KISS1: variants seen among roughly 807,000 people sequenced by gnomAD.
The protein encoded by KISS1 is metastasis-suppressor KiSS-1.
For missense variants in KISS1, 182 were observed against 182.7 expected (o/e 1.00, Z 0.02); for synonymous variants, 97 against 88.7 (o/e 1.09, Z -0.52).
At chr1:204,190,865 A>G in intron 2 of KISS1, 68 bp from the exon 3 acceptor site, 1 of 1,280,582 alleles carries the variant, frequency 7.8e-7, no homozygotes, top group Non-Finnish European at 1.1e-6. Flanking sequence ...ACCTCCTGTC[A>G]TCCCATCCTA....
At chr1:204,195,387 C>T (rs1658835538) in intron 1 of KISS1, among the ~76,000 whole-genome samples, 1 of 137,998 alleles carries the variant, frequency 7.2e-6, no homozygotes, top group Admixed American at 7.2e-5. Context: ...ACACACACAT[C>T]ATGCACACAC....
At chr1:204,193,837 C>A (rs776697849) in intron 1 of KISS1, among the ~76,000 whole-genome samples, 42 of 152,216 alleles carry the variant, frequency 2.8e-4, no homozygotes, top group Non-Finnish European at 3.8e-4. Flanking sequence ...CCTCTTCCGG[C>A]TCCCAAATCT....
chr1:204,195,277 C>CATG (rs1658827864), intron 1 of KISS1, among the ~76,000 whole-genome samples: 5 of 2,796 alleles, frequency 1.8e-3, no homozygotes, highest in Non-Finnish European at 2.2e-3. Flanking sequence ...CACACATACA[C>CATG]CACACACACC....
At chr1:204,195,248 T>TGC (rs1658825081) in intron 1 of KISS1, among the ~76,000 whole-genome samples, 3 of 1,602 alleles carry the variant, frequency 1.9e-3, no homozygotes, top group African/African-American at 2.5e-3. Context: ...CATACACCCA[T>TGC]ACACACACAT....
intron 2 of KISS1, among the ~76,000 whole-genome samples, chr1:204,191,151 T>A (rs915706653): frequency 6.6e-6 from 1 of 152,190 alleles, no homozygotes; most frequent in Admixed American, 6.5e-5. Flanking sequence ...GCCTGGGCAG[T>A]GGGGCCATGT....
rs1329288121 is a variant in KISS1, at chr1:204,192,757, C to T, written c.103+17G>A. ...CCCACTTGCTCCCTCCCACTCCTTT[C>T]CCCAGAGGATACATACCTGTGGGTC... On this transcript the variant is annotated intron_variant, in intron 2 of 2. Coordinates refer to ENST00000367194, the MANE Select transcript of KISS1 (RefSeq NM_002256.4). This position sits in a 1 kb window ranked among gnomAD's most constrained non-coding sequence, Gnocchi z 4.2. 3 of 1,517,274 alleles carry T rather than the reference C, an allele frequency of 2.0e-6. No individual in the cohort carries two copies. Among genetic ancestry groups the T allele is most frequent in the Non-Finnish European group, 2.7e-6 (3 of 1,102,708 alleles). The allele number at this position is 1,517,274 out of a possible 1,614,324, so 94.0% of individuals were successfully genotyped here.
rs777274044 is a variant in KISS1, at chr1:204,190,618, G to A, written c.283C>T (p.Pro95Ser). 2.5e-5 allele frequency: 40 copies of A among 1,587,312 alleles called. No homozygotes were observed. The highest frequency in any genetic ancestry group is 3.4e-5 in the Non-Finnish European group (40 of 1,167,258). ...GLSAPHSRQIPAPQGAVLVQR... is the reference protein window; with the variant it reads ...GLSAPHSRQISAPQGAVLVQR... ...ACCAGCACCGCGCCCTGGGGTGCGGGGATCTGGCGGCTGTGGGGGGCGGAC... is the reference window on the plus strand; with the variant it reads ...ACCAGCACCGCGCCCTGGGGTGCGGAGATCTGGCGGCTGTGGGGGGCGGAC... The change falls in exon 3 of 3, where the codon CCC (proline) becomes TCC (serine). Residue 95 changes from proline (P) to serine (S), a missense_variant. By Grantham distance (74) the Pro-to-Ser change is moderately conservative. Coordinates refer to ENST00000367194, the MANE Select transcript of KISS1 (RefSeq NM_002256.4).
In KISS1 at chr1:204,190,421, G is replaced by GCCCC; in HGVS notation, c.*59_*62dup. The GCCCC allele has an allele frequency of 2.5e-6, 1 of 402,326 alleles. No homozygotes were observed. Among genetic ancestry groups the GCCCC allele is most frequent in the Non-Finnish European group, 4.3e-6 (1 of 233,102 alleles). 24.9% of individuals were successfully genotyped at this position (402,326 alleles called of 1,614,324 possible). A position where few individuals can be genotyped will look rare whatever the true frequency, so the allele number is the denominator to read the frequency against. On this transcript the variant is annotated 3_prime_UTR_variant, in exon 3 of 3. Coordinates refer to ENST00000367194, the MANE Select transcript of KISS1 (RefSeq NM_002256.4). ...CCTTAGCCCTACGTCCCCGCCCCCC[G>GCCCC]CCCCCGCCCCGCATGCTCTGACTCC...
At chr1:204,194,764 A>T (rs1404597003) in intron 1 of KISS1, among the ~76,000 whole-genome samples, 3 of 152,092 alleles carry the variant, frequency 2.0e-5, no homozygotes, top group Non-Finnish European at 4.4e-5. Context: ...GGTTTACAGA[A>T]AGTGTTCCCA....
At chr1:204,193,927 G>A (rs924706513) in intron 1 of KISS1, among the ~76,000 whole-genome samples, 5 of 152,200 alleles carry the variant, frequency 3.3e-5, no homozygotes, top group African/African-American at 1.2e-4. Flanking sequence ...GGGGAGGCAG[G>A]AGCAATGCCA....
chr1:204,196,046 C>T (rs113359634), intron 1 of KISS1, among the ~76,000 whole-genome samples: 17 of 152,318 alleles, frequency 1.1e-4, no homozygotes, highest in African/African-American at 4.1e-4. Context: ...GAGCCCCGAG[C>T]GGTTCCCTAG....
chr1:204,195,373 CTATACACACACAT>C (rs1658834957), intron 1 of KISS1, among the ~76,000 whole-genome samples: 1 of 139,984 alleles, frequency 7.1e-6, no homozygotes, highest in Non-Finnish European at 1.5e-5. Context: ...ACACATACAC[CTATACACACACAT>C]CATGCACACA....
chr1:204,193,512 C>T (rs1658783263), intron 1 of KISS1, among the ~76,000 whole-genome samples: 1 of 152,170 alleles, frequency 6.6e-6, no homozygotes, highest in African/African-American at 2.4e-5. Context: ...GTAAGAGAAA[C>T]TTATTTCTTT....
chr1:204,190,905 A>C (rs1412967368), intron 2 of KISS1, 108 bp from the exon 3 acceptor site: 1 of 966,060 alleles, frequency 1.0e-6, no homozygotes, highest in African/African-American at 1.6e-5. Context: ...ACCTTTTGGA[A>C]GCTCGGAGCT....
intron 1 of KISS1, among the ~76,000 whole-genome samples, chr1:204,195,273 TACACCACAC>T (rs1249571125): frequency 3.5e-3 from 17 of 4,892 alleles, no homozygotes; most frequent in East Asian, 0.022. Flanking sequence ...CACACACACA[TACACCACAC>T]ACACCACACA....
At chr1:204,191,674 C>T (rs1341620402) in intron 2 of KISS1, among the ~76,000 whole-genome samples, 3 of 152,212 alleles carry the variant, frequency 2.0e-5, no homozygotes, top group Non-Finnish European at 4.4e-5. Flanking sequence ...GAGCCCTGCT[C>T]CTCCGTGCCC....
Position 204,192,682 on chromosome 1 carries a change from T to G in KISS1, c.103+92A>C. On this transcript the variant is annotated intron_variant, in intron 2 of 2. Coordinates refer to ENST00000367194, the MANE Select transcript of KISS1 (RefSeq NM_002256.4). This position sits in a 1 kb window ranked among gnomAD's most constrained non-coding sequence, Gnocchi z 4.2. Reference sequence around the variant, plus strand: ...ATTTCCACCAAATGCAATGTTAAACTCACACCAGTCGACTAGATGGAAAAT... The same window carrying G: ...ATTTCCACCAAATGCAATGTTAAACGCACACCAGTCGACTAGATGGAAAAT... The G allele has an allele frequency of 1.3e-6, 1 of 792,560 alleles. No individual in the cohort carries two copies. The highest frequency in any genetic ancestry group is 2.2e-6 in the Non-Finnish European group (1 of 455,620). 49.1% of individuals were successfully genotyped at this position (792,560 alleles called of 1,614,324 possible). A position where few individuals can be genotyped will look rare whatever the true frequency, so the allele number is the denominator to read the frequency against.
At chr1:204,193,359 G>A (rs1273885986) in intron 1 of KISS1, among the ~76,000 whole-genome samples, 2 of 152,040 alleles carry the variant, frequency 1.3e-5, no homozygotes, top group Non-Finnish European at 2.9e-5. Flanking sequence ...CACTGAGTGG[G>A]GAACTTTGAG....
At chr1:204,191,738 G>T (rs545148754) in intron 2 of KISS1, among the ~76,000 whole-genome samples, 1 of 152,212 alleles carries the variant, frequency 6.6e-6, no homozygotes, top group East Asian at 1.9e-4. Flanking sequence ...AATGGCAGTC[G>T]CCTGCGAGGT....
Sources: gnomAD v4.1 joint callset for allele counts (sites outside exome capture counted in the v4.1 genomes callset) on GRCh38, gnomAD v4.1.1 for gene constraint, Gnocchi (gnomAD v3.1) non-coding constraint, MANE v1.5 for transcripts, NCBI Gene and HGNC (gene_info 2026-07-23, HGNC 2026-07-21) for gene names.